Variants in FRS2 observed in about 807,000 individuals in gnomAD.
The protein encoded by FRS2 is FGFR signalling adaptor.
FRS2 carries 8 observed loss-of-function variants against 43.9 expected under a neutral mutation model. The observed-to-expected ratio is 0.18, with a 90% CI of 0.11 to 0.33. The LOEUF (loss-of-function observed/expected upper bound fraction) is 0.33. Ranked by LOEUF, FRS2 falls within the 10% of genes least tolerant of loss-of-function variation. FRS2 has a pLI of 1.00. For missense variants in FRS2, 534 were observed against 627.6 expected, an observed-to-expected ratio of 0.85 and a Z score of 1.59; for synonymous variants, 219 against 220.3, an observed-to-expected ratio of 0.99 and a Z score of 0.05.
At chr12:69,573,858 G>A (rs1323243388) in intron 8 of FRS2, 147 bp from the exon 9 acceptor site, 2 of 546,202 alleles carry the variant, frequency 3.7e-6, no homozygotes, top group East Asian at 6.0e-5. Flanking sequence ...TAAAAAAACA[G>A]GTGCAAAAGT....
At chr12:69,505,577 G>A (rs1873853456) in intron 1 of FRS2, among the ~76,000 whole-genome samples, 1 of 152,170 alleles carries the variant, frequency 6.6e-6, no homozygotes, top group African/African-American at 2.4e-5. Flanking sequence ...TTGTAGTACA[G>A]CATATAAGTT....
At chr12:69,550,946 A>G (rs535339541) in intron 3 of FRS2, among the ~76,000 whole-genome samples, 2 of 152,350 alleles carry the variant, frequency 1.3e-5, no homozygotes, top group South Asian at 4.1e-4. Flanking sequence ...TTCAGCCAGT[A>G]TTGGTGAAGA....
intron 3 of FRS2, among the ~76,000 whole-genome samples, chr12:69,534,011 T>C (rs1877049287): frequency 6.6e-6 from 1 of 152,200 alleles, no homozygotes; most frequent in African/African-American, 2.4e-5. Flanking sequence ...CATTTAAGCC[T>C]GTGGAAAGAC....
At chr12:69,470,628 C>G (rs535126392) in intron 1 of FRS2, 98 bp downstream of exon 1, 37 of 382,460 alleles carry the variant, frequency 9.7e-5, no homozygotes, top group Admixed American at 5.9e-4. Flanking sequence ...GGGCTGAGGG[C>G]TCGGCTGCCG....
At chr12:69,532,658 A>G (rs747073888) in intron 3 of FRS2, among the ~76,000 whole-genome samples, 27 of 152,198 alleles carry the variant, frequency 1.8e-4, no homozygotes, top group Admixed American at 7.2e-4. Flanking sequence ...ATTAAATTTC[A>G]GCATCTGAAT....
At chr12:69,557,619 T>TGCGCACGC (rs1555192501) in intron 3 of FRS2, among the ~76,000 whole-genome samples, 5 of 118,966 alleles carry the variant, frequency 4.2e-5, no homozygotes, top group South Asian at 2.5e-4. Flanking sequence ...TGTGTGTGTG[T>TGCGCACGC]GCGCGCGCGC....
chr12:69,516,933 AC>A (rs1302851231), intron 1 of FRS2, among the ~76,000 whole-genome samples: 1 of 152,206 alleles, frequency 6.6e-6, no homozygotes, highest in African/African-American at 2.4e-5. Flanking sequence ...GCATATATAG[AC>A]TTAGGATCCC....
intron 3 of FRS2, among the ~76,000 whole-genome samples, chr12:69,540,567 T>A (rs1321003587): frequency 6.6e-6 from 1 of 152,156 alleles, no homozygotes; most frequent in African/African-American, 2.4e-5. Flanking sequence ...AATGATTGAA[T>A]AAATAAGTAA....
chr12:69,525,192 GT>G (rs11295929), intron 1 of FRS2, among the ~76,000 whole-genome samples: 110,122 of 146,662 alleles, frequency 0.75, 41,406 homozygotes, highest in East Asian at 0.91. Context: ...ATGTAATATT[GT>G]TTTTTTTTTT....
At chr12:69,503,505 A>G (rs985549658) in intron 1 of FRS2, among the ~76,000 whole-genome samples, 1 of 152,142 alleles carries the variant, frequency 6.6e-6, no homozygotes, top group Non-Finnish European at 1.5e-5. Flanking sequence ...TACTACTGAC[A>G]GTCCCCATTG....
chr12:69,514,893 C>CAAA (rs1406904060), intron 1 of FRS2, among the ~76,000 whole-genome samples: 3 of 151,246 alleles, frequency 2.0e-5, no homozygotes, highest in Non-Finnish European at 4.4e-5. Flanking sequence ...AGTGTTTTAC[C>CAAA]TTCTGAAATC....
At chr12:69,501,567 T>G (rs1217817060) in intron 1 of FRS2, among the ~76,000 whole-genome samples, 1 of 152,252 alleles carries the variant, frequency 6.6e-6, no homozygotes, top group African/African-American at 2.4e-5. Flanking sequence ...ATATTAGGGC[T>G]TTTAAACTTA....
At chr12:69,514,702 G>T (rs1353247286) in intron 1 of FRS2, among the ~76,000 whole-genome samples, 2 of 152,002 alleles carry the variant, frequency 1.3e-5, no homozygotes, top group Admixed American at 6.6e-5. Flanking sequence ...GCGTGTTGGT[G>T]TGTGCCTGTA....
chr12:69,504,614 T>TA (rs1232611877), intron 1 of FRS2, among the ~76,000 whole-genome samples: 1 of 152,206 alleles, frequency 6.6e-6, no homozygotes, highest in Non-Finnish European at 1.5e-5. Flanking sequence ...CATCCCATTA[T>TA]AAAAAATATA....
chr12:69,574,706 C>T lies in FRS2; in HGVS notation c.1278C>T (p.Arg426=), dbSNP rs781293067. The change falls in exon 9 of 9, where the codon CGC becomes CGT. Residue 426 remains arginine, a synonymous_variant. Coordinates refer to ENST00000549921, the MANE Select transcript of FRS2 (RefSeq NM_001278356.2). ...TPTVFNFDIR[R]PSLEHRQLNY... is the part of the protein sequence containing the mutation. ...CAGTCTTTAACTTTGATATCAGACGCCCAAGTTTAGAACACAGGCAGCTTA... is the reference window on the plus strand; with the variant it reads ...CAGTCTTTAACTTTGATATCAGACGTCCAAGTTTAGAACACAGGCAGCTTA... 3.7e-6 allele frequency: 6 copies of T among 1,614,040 alleles called. No homozygotes were observed. In the Admixed American group the frequency reaches 1.0e-4, roughly 27 times the overall value.
chr12:69,491,210 C>T (rs146077378), intron 1 of FRS2, among the ~76,000 whole-genome samples: 172 of 152,214 alleles, frequency 1.1e-3, no homozygotes, highest in African/African-American at 3.8e-3. Context: ...ATCCTCCCAC[C>T]TCAGCCCTTG....
At chr12:69,542,741 A>G (rs1878028573) in intron 3 of FRS2, among the ~76,000 whole-genome samples, 1 of 152,182 alleles carries the variant, frequency 6.6e-6, no homozygotes, top group Non-Finnish European at 1.5e-5. Context: ...TTCAAAGTAA[A>G]TTCTAGTTAA....
intron 6 of FRS2, 25 bp from the exon 7 acceptor site, chr12:69,571,251 T>C (rs1460937116): frequency 1.3e-6 from 2 of 1,534,082 alleles, no homozygotes; most frequent in African/African-American, 1.4e-5. Context: ...GTTAACTATT[T>C]TTCCCTTTTG....
intron 1 of FRS2, among the ~76,000 whole-genome samples, chr12:69,496,263 C>T (rs1403017971): frequency 6.6e-6 from 1 of 151,898 alleles, no homozygotes; most frequent in Non-Finnish European, 1.5e-5. Flanking sequence ...AGTGAAACCC[C>T]GAATCTACTA....
Sources: allele counts gnomAD v4.1 joint callset (sites outside exome capture counted in the v4.1 genomes callset), GRCh38; gene constraint gnomAD v4.1.1; transcripts MANE v1.5; gene names NCBI Gene and HGNC (gene_info 2026-07-23, HGNC 2026-07-21).